DRC9: variants seen among roughly 807,000 people sequenced by gnomAD.
The protein encoded by DRC9 is dynein regulatory complex protein 9.
chr3:197,916,004 G>C, the DRC9 span, among the ~76,000 whole-genome samples: 16 of 151,684 alleles, frequency 1.1e-4, no homozygotes, highest in East Asian at 2.5e-3. Context: ...TTTTTGTTTA[G>C]AGACAGGATC....
At chr3:197,938,549 T>G in the DRC9 span, 1 of 1,606,502 alleles carries the variant, frequency 6.2e-7, no homozygotes, top group East Asian at 2.2e-5. Flanking sequence ...CTTCCTTACC[T>G]ATCAATCTGA....
chr3:197,952,284 C>T, the DRC9 span, among the ~76,000 whole-genome samples: 2 of 148,002 alleles, frequency 1.4e-5, no homozygotes, highest in Non-Finnish European at 3.0e-5. Flanking sequence ...ATTCTCCTGC[C>T]TTAGCCTCCT....
At chr3:197,926,123 G>C in the DRC9 span, 7 of 1,400,722 alleles carry the variant, frequency 5.0e-6, no homozygotes, top group Admixed American at 1.0e-4. Context: ...ATATAAGAAT[G>C]ATTTGTGTTT....
chr3:197,917,415 G>C, the DRC9 span, among the ~76,000 whole-genome samples: 2 of 152,200 alleles, frequency 1.3e-5, no homozygotes. Flanking sequence ...TTGTATGACA[G>C]TTATTCCAAC....
At chr3:197,892,269 C>T in the DRC9 span, among the ~76,000 whole-genome samples, 1 of 152,196 alleles carries the variant, frequency 6.6e-6, no homozygotes, top group East Asian at 1.9e-4. Context: ...TGTTAGAAAT[C>T]ATCACTGACT....
At chr3:197,948,229 G>A in the DRC9 span, among the ~76,000 whole-genome samples, 4,235 of 152,188 alleles carry the variant, frequency 0.028, 189 homozygotes, top group African/African-American at 0.096. Flanking sequence ...CACTGCGCCC[G>A]GCCCATACTT....
At chr3:197,951,449 T>G in the DRC9 span, 1 of 890,798 alleles carries the variant, frequency 1.1e-6, no homozygotes, top group Non-Finnish European at 1.8e-6. Context: ...GCCTCCCGGG[T>G]TCAAGCAAGT....
chr3:197,943,449 AAC>A, the DRC9 span, among the ~76,000 whole-genome samples: 1 of 152,140 alleles, frequency 6.6e-6, no homozygotes, highest in East Asian at 1.9e-4. Context: ...CAGCCTGGAC[AAC>A]ATAGTGAGAT....
At chr3:197,899,167 A>C in the DRC9 span, among the ~76,000 whole-genome samples, 2 of 152,242 alleles carry the variant, frequency 1.3e-5, no homozygotes, top group Admixed American at 1.3e-4. Flanking sequence ...AGCTCCAATT[A>C]AATATAACCA....
the DRC9 span, among the ~76,000 whole-genome samples, chr3:197,906,904 T>A: frequency 6.6e-6 from 1 of 152,288 alleles, no homozygotes; most frequent in African/African-American, 2.4e-5. Context: ...TTTTTTTCTG[T>A]TATACTTGAG....
the DRC9 span, chr3:197,950,600 C>A: frequency 1.3e-5 from 5 of 382,302 alleles, no homozygotes; most frequent in Admixed American, 2.2e-4. Flanking sequence ...AAAAGTCTTA[C>A]GTGTGTGTTT....
chr3:197,942,388 A>C, the DRC9 span, among the ~76,000 whole-genome samples: 1 of 139,146 alleles, frequency 7.2e-6, no homozygotes, highest in Non-Finnish European at 1.5e-5. Flanking sequence ...CGTCTCACAA[A>C]AAAAAAAAAA....
the DRC9 span, among the ~76,000 whole-genome samples, chr3:197,944,639 G>A: frequency 9.9e-5 from 15 of 152,018 alleles, no homozygotes; most frequent in South Asian, 6.2e-4. Flanking sequence ...TAGTAGAGAC[G>A]TGGTTTCACC....
chr3:197,911,570 A>G, the DRC9 span, among the ~76,000 whole-genome samples: 2 of 152,258 alleles, frequency 1.3e-5, no homozygotes, highest in Non-Finnish European at 2.9e-5. Flanking sequence ...AACATAAAAA[A>G]TGAAAAGCAA....
the DRC9 span, among the ~76,000 whole-genome samples, chr3:197,945,374 G>C: frequency 8.5e-5 from 13 of 152,158 alleles, no homozygotes; most frequent in African/African-American, 3.1e-4. Context: ...CCCATCAAGT[G>C]TTCAGATCAT....
At chr3:197,903,967 TATAC>T in the DRC9 span, among the ~76,000 whole-genome samples, 1 of 149,232 alleles carries the variant, frequency 6.7e-6, no homozygotes, top group Non-Finnish European at 1.5e-5. Context: ...GTGTATAACA[TATAC>T]ATACATACAT....
At chr3:197,901,403 G>A in the DRC9 span, among the ~76,000 whole-genome samples, 2 of 152,298 alleles carry the variant, frequency 1.3e-5, no homozygotes, top group East Asian at 1.9e-4. The surrounding 1 kb of genome is among the most constrained non-coding windows in gnomAD (Gnocchi z 4.4). Context: ...CTCTCAAAGC[G>A]CTGGGATTAT....
chr3:197,894,790 G>A, the DRC9 span, among the ~76,000 whole-genome samples: 2 of 152,164 alleles, frequency 1.3e-5, no homozygotes, highest in Non-Finnish European at 2.9e-5. Context: ...TACACTGAGC[G>A]GGGTGGCTTG....
chr3:197,889,522 T>G, the DRC9 span: 1 of 1,603,432 alleles, frequency 6.2e-7, no homozygotes, highest in Non-Finnish European at 8.5e-7. Context: ...GTTTCTTAAC[T>G]CTCTCCAAGT....
Sources: allele counts gnomAD v4.1 joint callset (sites outside exome capture counted in the v4.1 genomes callset), GRCh38; gene constraint gnomAD v4.1.1; non-coding constraint Gnocchi (gnomAD v3.1); transcripts MANE v1.5; gene names NCBI Gene and HGNC (gene_info 2026-07-23, HGNC 2026-07-21).